The following MGAT4C variants were observed in gnomAD, a reference collection of about 807,000 sequenced individuals.
The protein encoded by MGAT4C is alpha-1,3-mannosyl-glycoprotein 4-beta-N-acetylglucosaminyltransferase C.
Under a neutral mutation model 40.1 loss-of-function variants are expected in MGAT4C, and 19 were observed. The observed-to-expected ratio is 0.47, with a 90% CI of 0.33 to 0.70. The LOEUF is 0.70. MGAT4C is among the 30% of genes least tolerant of loss of function. The probability of loss-of-function intolerance (pLI) is 0.02; values close to 1 mark genes in which losing one functional copy is unlikely to be tolerated. For synonymous variants in MGAT4C, 181 were observed against 187.1 expected, an observed-to-expected ratio of 0.97 and a Z score of 0.27; for missense variants, 491 against 563.2, an observed-to-expected ratio of 0.87 and a Z score of 1.30.
At chr12:86,407,819 C>T (rs1246855321) in intron 3 of MGAT4C, among the ~76,000 whole-genome samples, 4 of 152,022 alleles carry the variant, frequency 2.6e-5, no homozygotes, top group African/African-American at 7.2e-5. Flanking sequence ...TTATGTCAGC[C>T]ATAAGGTTTA....
chr12:86,093,731 AAACAACAACAACAACAAC>A lies in MGAT4C; in HGVS notation c.-56-44026_-56-44009del, dbSNP rs35399411. 9.9e-4 allele frequency among the ~76,000 whole-genome samples: 148 copies of A among 149,460 alleles called. 1 individual carries two copies. The highest frequency in any genetic ancestry group is 1.9e-3 in the Admixed American group (28 of 14,956). On this transcript the variant is annotated intron_variant, in intron 1 of 4. Transcript: ENST00000611864. ...CAAGGCAGAGTGAGACTCCGTCTAA[AAACAACAACAACAACAAC>A]AACAACAACAACAACAACAACAACA...
chr12:85,988,218 G>T (rs913428226), intron 3 of MGAT4C, among the ~76,000 whole-genome samples: 3 of 152,076 alleles, frequency 2.0e-5, no homozygotes, highest in Non-Finnish European at 4.4e-5. Context: ...ATCACTATTT[G>T]AAGACAAAAA....
At chr12:86,609,892 C>T (rs969687856) in intron 2 of MGAT4C, among the ~76,000 whole-genome samples, 1 of 151,818 alleles carries the variant, frequency 6.6e-6, no homozygotes, top group Non-Finnish European at 1.5e-5. Flanking sequence ...GATTGTCTTC[C>T]CTCCAACTTT....
At chr12:86,086,264 C>T (rs10779238) in intron 1 of MGAT4C, among the ~76,000 whole-genome samples, 121,873 of 152,022 alleles carry the variant, frequency 0.8, 49,580 homozygotes, top group East Asian at 0.97. Context: ...CTGGAAACCA[C>T]CATTCTCAGC....
chr12:86,387,612 T>G (rs1168121250), intron 3 of MGAT4C, among the ~76,000 whole-genome samples: 1 of 152,108 alleles, frequency 6.6e-6, no homozygotes, highest in Non-Finnish European at 1.5e-5. Context: ...ATGGCATTAT[T>G]TATAAATGTT....
intron 3 of MGAT4C, among the ~76,000 whole-genome samples, chr12:86,432,025 C>A (rs1260968147): frequency 1.3e-5 from 2 of 151,720 alleles, no homozygotes; most frequent in African/African-American, 2.4e-5. Context: ...GTGTACTCCA[C>A]TAGAAGAAAA....
In MGAT4C at chr12:85,957,657, C is replaced by CAAAAAAAAAAAAAAAGAAAA. The variant is rs1882870860; in HGVS notation, c.*21631_*21632insTTTTCTTTTTTTTTTTTTTT. On this transcript the variant is annotated 3_prime_UTR_variant, in exon 5 of 5. Transcript: ENST00000611864. ...TTTACTGTAGAGTTGAATAAGAAAG[C>CAAAAAAAAAAAAAAAGAAAA]AAAAAAAAAAAAAAAAGAAAAAAGA... is the stretch of plus-strand genomic sequence containing the variant. 2.0e-5 allele frequency: 2 copies of CAAAAAAAAAAAAAAAGAAAA among 101,306 alleles called. No homozygotes were observed. The highest frequency in any genetic ancestry group is 3.8e-5 in the Non-Finnish European group (2 of 52,742). 6.3% of individuals were successfully genotyped at this position (101,306 alleles called of 1,614,324 possible). A position where few individuals can be genotyped will look rare whatever the true frequency, so the allele number is the denominator to read the frequency against.
chr12:85,999,284 G>A (rs1432105542), intron 2 of MGAT4C, among the ~76,000 whole-genome samples: 5 of 152,050 alleles, frequency 3.3e-5, no homozygotes, highest in Non-Finnish European at 7.4e-5. Context: ...TGGGGACACA[G>A]CCAAACCATA....
rs182519805 is a variant in MGAT4C, at chr12:86,371,576, T to A, written c.-119-37449A>T. On this transcript the variant is annotated intron_variant, in intron 3 of 7. Coordinates refer to the MGAT4C transcript ENST00000548651. ...CATGCTGTCTTTTCCTTTAAATTTT[T>A]AAAAAATATGTTCCTGTTTATAAAG... Among the ~76,000 whole-genome samples the A allele has an allele frequency of 1.0e-3, 154 of 152,102 alleles. 1 individual carries two copies. The highest frequency in any genetic ancestry group is 3.6e-3 in the African/African-American group (151 of 41,540).
chr12:86,085,197 C>T (rs1871543512), intron 1 of MGAT4C, among the ~76,000 whole-genome samples: 2 of 151,902 alleles, frequency 1.3e-5, no homozygotes, highest in African/African-American at 4.8e-5. Context: ...TGCAGAAGCT[C>T]TTTAGTTTAA....
At chr12:86,357,556 A>G (rs1475819071) in intron 3 of MGAT4C, among the ~76,000 whole-genome samples, 1 of 152,114 alleles carries the variant, frequency 6.6e-6, no homozygotes, top group East Asian at 1.9e-4. Flanking sequence ...GTTCAAACCC[A>G]TCGCAAAGAA....
At chr12:86,083,167 C>T (rs981326870) in intron 1 of MGAT4C, among the ~76,000 whole-genome samples, 2 of 152,014 alleles carry the variant, frequency 1.3e-5, no homozygotes, top group African/African-American at 4.8e-5. Context: ...CAACCTAAGG[C>T]CAATTTTAAC....
At chr12:86,163,138 A>G (rs1340775956) in intron 1 of MGAT4C, among the ~76,000 whole-genome samples, 1 of 152,132 alleles carries the variant, frequency 6.6e-6, no homozygotes, top group Non-Finnish European at 1.5e-5. Flanking sequence ...CTTTACCAGA[A>G]AGCTTCTGCA....
chr12:86,599,080 A>T (rs1484194156), intron 2 of MGAT4C, among the ~76,000 whole-genome samples: 1 of 152,148 alleles, frequency 6.6e-6, no homozygotes, highest in African/African-American at 2.4e-5. Flanking sequence ...AAACTGCTAA[A>T]GGTAGAATGG....
intron 3 of MGAT4C, among the ~76,000 whole-genome samples, chr12:86,339,583 T>A (rs1216493490): frequency 2.0e-5 from 3 of 152,186 alleles, no homozygotes; most frequent in Non-Finnish European, 4.4e-5. Flanking sequence ...TATAAAAATA[T>A]GTTTTCTTAC....
At chr12:86,438,035 A>T (rs1435474006) in intron 2 of MGAT4C, among the ~76,000 whole-genome samples, 2 of 151,972 alleles carry the variant, frequency 1.3e-5, no homozygotes, top group East Asian at 3.8e-4. Flanking sequence ...GGTAGAAATG[A>T]TTAACTTTAG....
At chr12:86,048,441 C>T (rs1479363240) in intron 2 of MGAT4C, among the ~76,000 whole-genome samples, 2 of 151,870 alleles carry the variant, frequency 1.3e-5, no homozygotes, top group Non-Finnish European at 2.9e-5. Flanking sequence ...TGTAACAGAC[C>T]TGCACATGTA....
chr12:86,294,625 A>C (rs1359883279), intron 4 of MGAT4C, among the ~76,000 whole-genome samples: 1 of 152,202 alleles, frequency 6.6e-6, no homozygotes, highest in Non-Finnish European at 1.5e-5. Context: ...TAAAACAAGT[A>C]ATGTGAAATA....
intron 2 of MGAT4C, among the ~76,000 whole-genome samples, chr12:85,996,842 T>C (rs1053575000): frequency 6.6e-6 from 1 of 152,218 alleles, no homozygotes; most frequent in Non-Finnish European, 1.5e-5. Context: ...TTTCAATATA[T>C]GAATATCGAA....
Sources: gnomAD v4.1 joint callset for allele counts (sites outside exome capture counted in the v4.1 genomes callset) on GRCh38, gnomAD v4.1.1 for gene constraint, MANE v1.5 for transcripts, NCBI Gene and HGNC (gene_info 2026-07-23, HGNC 2026-07-21) for gene names.